The following CELF2 variants were observed in gnomAD, a reference collection of about 807,000 sequenced individuals.
CELF2 encodes CUGBP Elav-like family member 2, also known as CUG triplet repeat RNA-binding protein 2.
Under a neutral mutation model 62.6 loss-of-function variants are expected in CELF2, and 8 were observed. The observed-to-expected ratio is 0.13, with a 90% CI of 0.07 to 0.23. The LOEUF (loss-of-function observed/expected upper bound fraction) is 0.23. Among genes scored for constraint, CELF2 ranks in the 10% least tolerant of loss-of-function variants. The probability of loss-of-function intolerance (pLI) is 1.00; values close to 1 mark genes in which losing one functional copy is unlikely to be tolerated. For missense variants in CELF2, 333 were observed against 671.0 expected, an observed-to-expected ratio of 0.50 and a Z score of 5.56; for synonymous variants, 258 against 250.0, an observed-to-expected ratio of 1.03 and a Z score of -0.30.
At chr10:10,834,063 A>G (rs1347183512) in intron 1 of CELF2, among the ~76,000 whole-genome samples, 1 of 152,244 alleles carries the variant, frequency 6.6e-6, no homozygotes. Context: ...GAATCAACCT[A>G]AATGTCCATC....
intron 3 of CELF2, among the ~76,000 whole-genome samples, chr10:11,218,408 G>A (rs1453599861): frequency 6.6e-6 from 1 of 152,088 alleles, no homozygotes; most frequent in Non-Finnish European, 1.5e-5. Context: ...GTCTCTGAAC[G>A]CATACACAAA....
intron 9 of CELF2, among the ~76,000 whole-genome samples, chr10:11,310,575 A>G (rs2094510418): frequency 6.6e-6 from 1 of 152,148 alleles, no homozygotes; most frequent in Admixed American, 6.6e-5. Flanking sequence ...TCCTTATTTT[A>G]GAAGTACTTC....
the CELF2 span, among the ~76,000 whole-genome samples, chr10:10,651,833 AC>A: frequency 6.6e-6 from 1 of 151,786 alleles, no homozygotes; most frequent in Admixed American, 6.6e-5. Flanking sequence ...CTCCAAAGGA[AC>A]GCAGTTCCTC....
At chr10:11,024,883 T>G (rs997502495) in intron 1 of CELF2, among the ~76,000 whole-genome samples, 1 of 152,218 alleles carries the variant, frequency 6.6e-6, no homozygotes, top group Non-Finnish European at 1.5e-5. Context: ...TTAAATTGTT[T>G]CTGGTACCAT....
At chr10:11,058,043 C>A (rs1390417407) in intron 1 of CELF2, among the ~76,000 whole-genome samples, 2 of 149,462 alleles carry the variant, frequency 1.3e-5, no homozygotes, top group Non-Finnish European at 3.0e-5. Context: ...TTACGCCCAA[C>A]CAAATGGGAA....
At chr10:10,613,348 G>A in the CELF2 span, among the ~76,000 whole-genome samples, 1 of 152,094 alleles carries the variant, frequency 6.6e-6, no homozygotes, top group Admixed American at 6.5e-5. Flanking sequence ...ATCCATGCAT[G>A]TTTACATTTA....
At chr10:11,041,661 A>T (rs1163781831) in intron 1 of CELF2, among the ~76,000 whole-genome samples, 4 of 152,164 alleles carry the variant, frequency 2.6e-5, no homozygotes, top group Non-Finnish European at 2.9e-5. Context: ...AACTTTTCTC[A>T]TTGTGTTTTC....
chr10:10,786,478 GAAA>G, the CELF2 span, among the ~76,000 whole-genome samples: 11 of 144,484 alleles, frequency 7.6e-5, no homozygotes, highest in Non-Finnish European at 9.2e-5. Context: ...TGATCCATTT[GAAA>G]AAAAAAAAAA....
Position 10,976,551 on chromosome 10 carries a change from C to T in CELF2, c.89+56552C>T, listed in dbSNP as rs73579433. ...TTCAGAGGGAAAACCTGAAGATCAC[C>T]TTTCATTTTGCTCCTTTTTCTTGTC... On this transcript the variant is annotated intron_variant, in intron 2 of 13. Transcript: ENST00000636488. Among the ~76,000 whole-genome samples, 892 of 152,110 alleles carry T rather than the reference C, an allele frequency of 5.9e-3. 11 individuals are homozygous for T. The highest frequency in any genetic ancestry group is 0.02 in the African/African-American group (836 of 41,512).
At chr10:11,234,912 C>T (rs186290620) in intron 3 of CELF2, among the ~76,000 whole-genome samples, 48 of 152,226 alleles carry the variant, frequency 3.2e-4, no homozygotes, top group Admixed American at 7.2e-4. Context: ...ACAATCCCTA[C>T]GTCACTTTAC....
chr10:10,490,266 C>G, the CELF2 span, among the ~76,000 whole-genome samples: 1 of 152,126 alleles, frequency 6.6e-6, no homozygotes, highest in Non-Finnish European at 1.5e-5. Context: ...AAATGAAAAA[C>G]TACAGTTGGA....
intron 1 of CELF2, among the ~76,000 whole-genome samples, chr10:11,048,139 A>G (rs975675283): frequency 6.6e-5 from 10 of 152,196 alleles, no homozygotes; most frequent in East Asian, 3.8e-4. Flanking sequence ...TCTGCCTGCA[A>G]TGTAGCTTTT....
At chr10:10,771,914 TGA>T in the CELF2 span, among the ~76,000 whole-genome samples, 3 of 152,176 alleles carry the variant, frequency 2.0e-5, no homozygotes, top group Non-Finnish European at 4.4e-5. Context: ...CACTTACAAC[TGA>T]AAAAGTTCTG....
intron 1 of CELF2, among the ~76,000 whole-genome samples, chr10:11,034,859 T>C (rs893654117): frequency 6.6e-6 from 1 of 152,184 alleles, no homozygotes; most frequent in Non-Finnish European, 1.5e-5. Context: ...AACAAGTAGA[T>C]GAGGATCAGT....
chr10:10,518,484 T>C, the CELF2 span, among the ~76,000 whole-genome samples: 1 of 152,212 alleles, frequency 6.6e-6, no homozygotes, highest in Non-Finnish European at 1.5e-5. Context: ...GGGTTCCTCA[T>C]GGAGAGTGAA....
chr10:10,552,550 A>C, the CELF2 span, among the ~76,000 whole-genome samples: 1 of 152,128 alleles, frequency 6.6e-6, no homozygotes, highest in Non-Finnish European at 1.5e-5. Flanking sequence ...AAAAAAGCTA[A>C]ATGTTTCCAG....
chr10:10,747,636 T>C, the CELF2 span, among the ~76,000 whole-genome samples: 3 of 152,000 alleles, frequency 2.0e-5, no homozygotes, highest in Non-Finnish European at 2.9e-5. Flanking sequence ...TCACAGGATG[T>C]AAAAAAGGGC....
At chr10:10,759,959 G>T in the CELF2 span, among the ~76,000 whole-genome samples, 1 of 152,140 alleles carries the variant, frequency 6.6e-6, no homozygotes, top group Non-Finnish European at 1.5e-5. Context: ...AGGCTGGAGT[G>T]CAGTGATGCG....
chr10:10,689,047 AAAATATGGTAT>A, the CELF2 span, among the ~76,000 whole-genome samples: 4 of 152,168 alleles, frequency 2.6e-5, no homozygotes, highest in African/African-American at 9.7e-5. Flanking sequence ...TAAAGAAGAA[AAAATATGGTAT>A]CATTTCTGAG....
Sources: gnomAD v4.1 joint callset for allele counts (sites outside exome capture counted in the v4.1 genomes callset) on GRCh38, gnomAD v4.1.1 for gene constraint, MANE v1.5 for transcripts, NCBI Gene and HGNC (gene_info 2026-07-23, HGNC 2026-07-21) for gene names.